RALYL: variants seen among roughly 807,000 people sequenced by gnomAD.
RALYL encodes RALY RNA binding protein like, also known as RNA-binding Raly-like protein.
In RALYL, 29 loss-of-function variants were observed where a neutral mutation model predicts 35.1. That is an observed-to-expected ratio of 0.83 (90% CI 0.61 to 1.13). RALYL has a LOEUF of 1.13. Among genes scored for constraint, RALYL ranks in the 50% most tolerant of loss-of-function variants. RALYL has a pLI of 0.00. For missense variants in RALYL, 359 were observed against 360.4 expected, an observed-to-expected ratio of 1.00 and a Z score of 0.03; for synonymous variants, 120 against 127.6, an observed-to-expected ratio of 0.94 and a Z score of 0.40.
intron 8 of RALYL, among the ~76,000 whole-genome samples, chr8:84,901,755 G>A (rs545072517): frequency 6.6e-5 from 10 of 152,072 alleles, no homozygotes; most frequent in Non-Finnish European, 1.2e-4. Flanking sequence ...GGCTGAGGAT[G>A]GACTGAAGTT....
intron 1 of RALYL, among the ~76,000 whole-genome samples, chr8:84,338,411 A>G (rs1442350109): frequency 1.3e-5 from 2 of 151,908 alleles, no homozygotes. Flanking sequence ...TTAATTAATC[A>G]GGAAGTATAT....
At chr8:84,502,817 G>C (rs924757253) in intron 1 of RALYL, among the ~76,000 whole-genome samples, 1 of 151,382 alleles carries the variant, frequency 6.6e-6, no homozygotes, top group African/African-American at 2.4e-5. Context: ...ATAATGGCTT[G>C]ATAAATTTTG....
intron 2 of RALYL, among the ~76,000 whole-genome samples, chr8:84,557,349 C>T (rs371742713): frequency 9.9e-5 from 15 of 152,226 alleles, no homozygotes; most frequent in Admixed American, 3.9e-4. Flanking sequence ...TAATTTTCCC[C>T]GTGACTGGAC....
chr8:84,501,176 G>A (rs1278336047), intron 1 of RALYL, among the ~76,000 whole-genome samples: 5 of 152,144 alleles, frequency 3.3e-5, no homozygotes, highest in Non-Finnish European at 7.4e-5. Flanking sequence ...AGTTCACCAG[G>A]AGGTAGTTCT....
At chr8:84,271,582 A>C (rs1357349981) in intron 1 of RALYL, among the ~76,000 whole-genome samples, 1 of 151,928 alleles carries the variant, frequency 6.6e-6, no homozygotes. Flanking sequence ...GGTAAATTGA[A>C]TAAACCTAAA....
intron 1 of RALYL, among the ~76,000 whole-genome samples, chr8:84,206,322 G>A (rs1307427441): frequency 6.6e-6 from 1 of 152,150 alleles, no homozygotes; most frequent in East Asian, 1.9e-4. Flanking sequence ...GGTAACTTCA[G>A]CCTTCCTCGT....
chr8:84,345,844 TAATC>T (rs1849743837), intron 1 of RALYL, among the ~76,000 whole-genome samples: 1 of 152,080 alleles, frequency 6.6e-6, no homozygotes, highest in South Asian at 2.1e-4. Context: ...TGACAGATAT[TAATC>T]AAATAATTAT....
intron 4 of RALYL, among the ~76,000 whole-genome samples, chr8:84,832,738 A>G (rs981549712): frequency 6.6e-6 from 1 of 152,268 alleles, no homozygotes; most frequent in South Asian, 2.1e-4. Flanking sequence ...ATATAATGCT[A>G]TAATGCATTA....
At chr8:84,302,935 C>T (rs1841092391) in intron 1 of RALYL, among the ~76,000 whole-genome samples, 1 of 152,058 alleles carries the variant, frequency 6.6e-6, no homozygotes, top group South Asian at 2.1e-4. Flanking sequence ...AAATAGTTGG[C>T]GAGACTTTGA....
intron 1 of RALYL, among the ~76,000 whole-genome samples, chr8:84,462,293 T>C (rs2050892959): frequency 1.3e-5 from 2 of 151,680 alleles, no homozygotes; most frequent in Non-Finnish European, 3.0e-5. Context: ...TAGATTGTTA[T>C]CATATTGTTG....
At chr8:84,231,415 A>G (rs754948420) in intron 1 of RALYL, among the ~76,000 whole-genome samples, 1 of 152,208 alleles carries the variant, frequency 6.6e-6, no homozygotes, top group Non-Finnish European at 1.5e-5. Context: ...GTTACAATAT[A>G]TTCCATAGTT....
At chr8:84,645,020 G>A (rs531597502) in intron 2 of RALYL, among the ~76,000 whole-genome samples, 1 of 152,074 alleles carries the variant, frequency 6.6e-6, no homozygotes, top group Non-Finnish European at 1.5e-5. Flanking sequence ...AAAATGCTAG[G>A]ATTACAGGCA....
chr8:84,617,745 T>C (rs1820147656), intron 2 of RALYL, among the ~76,000 whole-genome samples: 3 of 151,412 alleles, frequency 2.0e-5, no homozygotes, highest in Non-Finnish European at 4.4e-5. Context: ...TAGATAGCTC[T>C]TATTATTTTG....
intron 1 of RALYL, among the ~76,000 whole-genome samples, chr8:84,443,819 C>T (rs2048584833): frequency 6.6e-6 from 1 of 152,084 alleles, no homozygotes; most frequent in Non-Finnish European, 1.5e-5. Context: ...AAAAATGCTT[C>T]ACCTACTTCT....
At chr8:84,838,217 A>G (rs949008657) in intron 4 of RALYL, among the ~76,000 whole-genome samples, 32 of 152,200 alleles carry the variant, frequency 2.1e-4, no homozygotes, top group African/African-American at 7.0e-4. Context: ...GACTCCTCAC[A>G]ATGCCATCTT....
intron 2 of RALYL, among the ~76,000 whole-genome samples, chr8:84,695,213 G>T (rs916690554): frequency 1.3e-5 from 2 of 151,674 alleles, no homozygotes; most frequent in African/African-American, 4.8e-5. Context: ...TTTATGTTGA[G>T]TAATTTTTTC....
chr8:84,245,651 T>C (rs553537264), intron 1 of RALYL, among the ~76,000 whole-genome samples: 12 of 152,280 alleles, frequency 7.9e-5, no homozygotes, highest in Non-Finnish European at 1.8e-4. Flanking sequence ...TTGAATAGTT[T>C]TGGATAGCAT....
intron 7 of RALYL, among the ~76,000 whole-genome samples, chr8:84,878,998 G>A (rs748663775): frequency 1.1e-4 from 15 of 137,974 alleles, no homozygotes; most frequent in Non-Finnish European, 2.3e-4. Context: ...TCTCTGAAAA[G>A]TACTAAAAAG....
intron 1 of RALYL, among the ~76,000 whole-genome samples, chr8:84,380,619 CAT>C (rs1170207737): frequency 6.6e-6 from 1 of 151,890 alleles, no homozygotes; most frequent in Non-Finnish European, 1.5e-5. Flanking sequence ...TAGTTAACCA[CAT>C]GTCTGTTCCT....
Sources: gnomAD v4.1 joint callset for allele counts (sites outside exome capture counted in the v4.1 genomes callset) on GRCh38, gnomAD v4.1.1 for gene constraint, MANE v1.5 for transcripts, NCBI Gene and HGNC (gene_info 2026-07-23, HGNC 2026-07-21) for gene names.